Variants in CYP2J2 observed in about 807,000 individuals in gnomAD.
The protein encoded by CYP2J2 is cytochrome P450 2J2.
CYP2J2 carries 41 observed loss-of-function variants against 48.8 expected under a neutral mutation model. The ratio of observed to expected loss-of-function variants is 0.84; its 90% CI spans 0.66 to 1.09. The LOEUF (loss-of-function observed/expected upper bound fraction) is 1.09, where lower values mean the gene tolerates loss of function less well. Among genes scored for constraint, CYP2J2 ranks in the 50% least tolerant of loss-of-function variants. The pLI is 0.00. For missense variants in CYP2J2, 644 were observed against 617.3 expected (o/e 1.04, Z -0.46); for synonymous variants, 221 against 227.1 (o/e 0.97, Z 0.24).
At chr1:59,897,955 G>T (rs1380086689) in intron 8 of CYP2J2, among the ~76,000 whole-genome samples, 1 of 152,106 alleles carries the variant, frequency 6.6e-6, no homozygotes, top group Non-Finnish European at 1.5e-5. Context: ...TTGATGTTTT[G>T]TCAACCCTTT....
At chr1:59,897,740 TA>T (rs11572320) in intron 8 of CYP2J2, among the ~76,000 whole-genome samples, 216 of 152,362 alleles carry the variant, frequency 1.4e-3, no homozygotes, top group African/African-American at 4.9e-3. Context: ...AGGAAGAATT[TA>T]AATGAGGAAA....
At chr1:59,921,146 A>G (rs1557429333) in intron 1 of CYP2J2, among the ~76,000 whole-genome samples, 1 of 152,204 alleles carries the variant, frequency 6.6e-6, no homozygotes, top group Non-Finnish European at 1.5e-5. Flanking sequence ...GCATATGATA[A>G]GCACTTAATA....
chr1:59,938,369 G>T, the CYP2J2 span, among the ~76,000 whole-genome samples: 1 of 152,236 alleles, frequency 6.6e-6, no homozygotes, highest in Admixed American at 6.5e-5. Context: ...CAAGAGAAAT[G>T]TGGTAGGAGA....
chr1:59,942,740 A>C, the CYP2J2 span, among the ~76,000 whole-genome samples: 7 of 152,084 alleles, frequency 4.6e-5, no homozygotes, highest in Non-Finnish European at 1.0e-4. Flanking sequence ...GGGAGGGAAG[A>C]AAAGCAGATG....
At chr1:59,959,025 C>T in the CYP2J2 span, among the ~76,000 whole-genome samples, 11,108 of 152,040 alleles carry the variant, frequency 0.073, 1,042 homozygotes, top group African/African-American at 0.22. Context: ...TTGCTTTCCT[C>T]CTGTTCATCT....
At chr1:59,962,151 A>C in the CYP2J2 span, among the ~76,000 whole-genome samples, 1 of 152,226 alleles carries the variant, frequency 6.6e-6, no homozygotes, top group Non-Finnish European at 1.5e-5. Context: ...GGCTATATTA[A>C]AAAATGAAGG....
chr1:59,933,955 A>T, the CYP2J2 span, among the ~76,000 whole-genome samples: 1 of 152,208 alleles, frequency 6.6e-6, no homozygotes, highest in Non-Finnish European at 1.5e-5. Context: ...ACAAAAACAA[A>T]GCTGCAGGCA....
chr1:59,964,723 A>G, the CYP2J2 span, among the ~76,000 whole-genome samples: 1 of 152,230 alleles, frequency 6.6e-6, no homozygotes, highest in Non-Finnish European at 1.5e-5. Flanking sequence ...ATTTAGTAAA[A>G]TTTCAGTTAC....
the CYP2J2 span, among the ~76,000 whole-genome samples, chr1:59,962,388 T>G: frequency 6.6e-6 from 1 of 152,002 alleles, no homozygotes; most frequent in South Asian, 2.1e-4. Flanking sequence ...GAAACATTGC[T>G]AAAAAGGAAC....
the CYP2J2 span, among the ~76,000 whole-genome samples, chr1:59,937,820 T>A: frequency 6.6e-6 from 1 of 152,032 alleles, no homozygotes; most frequent in Non-Finnish European, 1.5e-5. Context: ...GGTCACTAAT[T>A]CTTTCTTCTG....
chr1:59,895,412 T>C (rs927168280), intron 8 of CYP2J2, among the ~76,000 whole-genome samples: 2 of 152,216 alleles, frequency 1.3e-5, no homozygotes, highest in African/African-American at 4.8e-5. Flanking sequence ...ATCACCAAAG[T>C]GATACTGTAT....
chr1:59,937,032 A>T, the CYP2J2 span, among the ~76,000 whole-genome samples: 3 of 152,228 alleles, frequency 2.0e-5, no homozygotes, highest in African/African-American at 7.2e-5. Context: ...TGATTCAAAC[A>T]GGATTAAAAT....
rs754936745 is a variant in CYP2J2 at position 59,893,813 on chromosome 1, G to A, written c.1347C>T (p.Leu449=). The A allele has an allele frequency of 5.2e-5, 83 of 1,605,856 alleles. No individual in the cohort carries two copies. The highest frequency in any genetic ancestry group is 8.9e-5 in the East Asian group (4 of 44,770). The change falls in exon 9 of 9, where the codon CTC becomes CTT. Residue 449 remains leucine (L), a synonymous_variant. Transcript: ENST00000371204. ...MPFSIGKRAC[L]GEQLARTELF... ...GCTCAGTCCTGGCCAACTGTTCTCC[G>A]AGGCATGCCCGCTTTCCTGTAAGAC... is the stretch of plus-strand genomic sequence containing the variant.
chr1:59,914,745 C>T (rs1395649554), intron 2 of CYP2J2, among the ~76,000 whole-genome samples: 1 of 152,176 alleles, frequency 6.6e-6, no homozygotes, highest in African/African-American at 2.4e-5. Context: ...AATATGGCCT[C>T]ATGGGATGAG....
chr1:59,933,836 C>T, the CYP2J2 span, among the ~76,000 whole-genome samples: 1 of 152,040 alleles, frequency 6.6e-6, no homozygotes, highest in Non-Finnish European at 1.5e-5. Context: ...TAATGTCATC[C>T]ATATCAAAAT....
At chr1:59,953,243 G>T in the CYP2J2 span, among the ~76,000 whole-genome samples, 12 of 152,118 alleles carry the variant, frequency 7.9e-5, no homozygotes, top group Admixed American at 3.3e-4. Context: ...AATAAGGCTT[G>T]TGATTGGGCT....
the CYP2J2 span, among the ~76,000 whole-genome samples, chr1:59,965,994 T>C: frequency 6.6e-6 from 1 of 152,220 alleles, no homozygotes; most frequent in Admixed American, 6.5e-5. Context: ...TTTGTGATTT[T>C]ATGTTAGTTG....
At chr1:59,967,109 T>C in the CYP2J2 span, among the ~76,000 whole-genome samples, 134 of 152,298 alleles carry the variant, frequency 8.8e-4, no homozygotes, top group Non-Finnish European at 1.5e-3. Context: ...TGTAGTTTTA[T>C]GGTTTAGGCT....
chr1:59,956,516 T>C, the CYP2J2 span, among the ~76,000 whole-genome samples: 1 of 152,158 alleles, frequency 6.6e-6, no homozygotes, highest in Non-Finnish European at 1.5e-5. Context: ...TTTGTCTTTC[T>C]ATCCAAACTA....
Sources: gnomAD v4.1 joint callset for allele counts (sites outside exome capture counted in the v4.1 genomes callset) on GRCh38, gnomAD v4.1.1 for gene constraint, MANE v1.5 for transcripts, NCBI Gene and HGNC (gene_info 2026-07-23, HGNC 2026-07-21) for gene names.